MAMLD1: variants seen among roughly 807,000 people sequenced by gnomAD.
The protein encoded by MAMLD1 is mastermind-like domain-containing protein 1.
Under a neutral mutation model 45.0 loss-of-function variants are expected in MAMLD1, and 14 were observed. The observed-to-expected ratio is 0.31, with a 90% confidence interval of 0.21 to 0.49. MAMLD1 has a LOEUF of 0.49. Among genes scored for constraint, MAMLD1 ranks in the 20% least tolerant of loss-of-function variants. The pLI is 0.99. For missense variants in MAMLD1, 543 were observed against 603.6 expected, an observed-to-expected ratio of 0.90 and a Z score of 1.05; for synonymous variants, 254 against 247.8, an observed-to-expected ratio of 1.02 and a Z score of -0.24.
At chrX:150,508,987 T>C (rs1050133531) in intron 6 of MAMLD1, among the ~76,000 whole-genome samples, 3 of 111,396 alleles carry the variant, frequency 2.7e-5, no homozygotes, top group Non-Finnish European at 5.7e-5. Flanking sequence ...TCAGAGCAAG[T>C]CATGCCTTTT....
intron 6 of MAMLD1, chrX:150,504,022 A>G (rs1261933290): frequency 2.7e-6 from 2 of 751,885 alleles, no homozygotes; most frequent in African/African-American, 2.3e-5. Context: ...AACCCCGCCC[A>G]GGACTCCCAC....
rs1248681300 is a variant in MAMLD1 at position 150,469,900 on chromosome X, G to A, written c.327G>A (p.Gln109=). The change falls in exon 4 of 8, where the codon CAG becomes CAA. Residue 109 remains glutamine (Q), a synonymous_variant. Coordinates refer to ENST00000370401, the MANE Select transcript of MAMLD1 (RefSeq NM_005491.5). ...CTAGTACTGCTTGTGCAGAACTGCA[G>A]GTCCCTCCATTGACAATAAATCCTA... is the stretch of plus-strand genomic sequence containing the variant. The part of the protein sequence containing the change: ...AHPSTACAEL[Q]VPPLTINPSP... The A allele has an allele frequency of 6.6e-6, 8 of 1,211,897 alleles. No individual in the cohort carries two copies. The highest frequency in any genetic ancestry group is 8.9e-6 in the Non-Finnish European group (8 of 895,601).
chrX:150,413,784 G>C (rs1244208036), intron 1 of MAMLD1, among the ~76,000 whole-genome samples: 1 of 110,499 alleles, frequency 9.0e-6, no homozygotes, highest in Non-Finnish European at 1.9e-5. Context: ...GGAGAAACCA[G>C]AGTCTTTGGA....
chrX:150,440,335 T>C (rs1246463746), intron 1 of MAMLD1, among the ~76,000 whole-genome samples: 2 of 110,129 alleles, frequency 1.8e-5, no homozygotes, highest in African/African-American at 6.6e-5. Flanking sequence ...TTTTTTTTTT[T>C]CTTGCTTGTA....
intron 1 of MAMLD1, among the ~76,000 whole-genome samples, chrX:150,372,851 G>C (rs1487849616): frequency 8.9e-6 from 1 of 112,013 alleles, no homozygotes; most frequent in Non-Finnish European, 1.9e-5. Flanking sequence ...ATATCAAGGA[G>C]TGTCACTGCA....
chrX:150,504,242 C>T, intron 6 of MAMLD1: 2 of 752,450 alleles, frequency 2.7e-6, no homozygotes, highest in Non-Finnish European at 3.1e-6. Flanking sequence ...CAGAGGGGAC[C>T]TTTGCAGAGA....
rs2036382240 is a variant in MAMLD1 at position 150,470,541 on chromosome X, G to A, written c.968G>A (p.Gly323Glu). The A allele has an allele frequency of 3.3e-6, 4 of 1,211,404 alleles. No homozygotes were observed. The highest frequency in any genetic ancestry group is 4.5e-6 in the Non-Finnish European group (4 of 895,434). Residue 323 changes from glycine (G) to glutamate (E), a missense_variant, in exon 4 of 8, where the codon GGG becomes GAG. Transcript: ENST00000370401. ...CAGGGGTCTGCTACAAAGCAGCAAG[G>A]GCCCACCCCCAGTTGGTCTGGTCTG... ...SKQGSATKQQ[G>E]PTPSWSGLPP...
intron 1 of MAMLD1, among the ~76,000 whole-genome samples, chrX:150,368,316 A>C (rs1218201117): frequency 9.0e-6 from 1 of 111,028 alleles, no homozygotes; most frequent in Admixed American, 9.6e-5. Context: ...GCCAGTGATG[A>C]TGAGCATTTT....
Position 150,391,264 on chromosome X carries a change from C to T in MAMLD1, c.-64+27734C>T, listed in dbSNP as rs782332598. Reference sequence around the variant, plus strand: ...TTTGACTAATTTTTCTTACTCTCTCCGCTCTTCCTCTCTTTCTGGGTTTCC... The same window carrying T: ...TTTGACTAATTTTTCTTACTCTCTCTGCTCTTCCTCTCTTTCTGGGTTTCC... On this transcript the variant is annotated intron_variant, in intron 1 of 7. Transcript: ENST00000370401. Among the ~76,000 whole-genome samples the T allele has an allele frequency of 5.4e-5, 6 of 111,907 alleles. No homozygotes were observed. In the South Asian group the frequency reaches 2.2e-3, roughly 41 times the overall value.
At chrX:150,479,666 A>T (rs1183914865) in intron 5 of MAMLD1, among the ~76,000 whole-genome samples, 2 of 112,160 alleles carry the variant, frequency 1.8e-5, no homozygotes, top group Non-Finnish European at 3.8e-5. Flanking sequence ...ACAGAAATAA[A>T]TCATTGTGTC....
chrX:150,392,903 T>C, intron 1 of MAMLD1, among the ~76,000 whole-genome samples: 1 of 110,800 alleles, frequency 9.0e-6, no homozygotes, highest in Non-Finnish European at 1.9e-5. Context: ...ATTACCTGCA[T>C]CCTGTATCAG....
At chrX:150,387,645 G>A (rs2032995922) in intron 1 of MAMLD1, among the ~76,000 whole-genome samples, 1 of 111,912 alleles carries the variant, frequency 8.9e-6, no homozygotes, top group African/African-American at 3.2e-5. Flanking sequence ...AGGGAGGATT[G>A]TAAAATATTA....
intron 1 of MAMLD1, among the ~76,000 whole-genome samples, chrX:150,365,651 G>T (rs2031376045): frequency 8.8e-6 from 1 of 113,276 alleles, no homozygotes; most frequent in African/African-American, 3.2e-5. Context: ...CTGGCTACAC[G>T]CCTCATTTCT....
intron 5 of MAMLD1, among the ~76,000 whole-genome samples, chrX:150,480,852 A>G (rs782605038): frequency 2.6e-4 from 29 of 112,211 alleles, no homozygotes; most frequent in Admixed American, 1.2e-3. Flanking sequence ...GCTGTACCTC[A>G]CTAGGAATTA....
chrX:150,457,557 A>G (rs1557405389), intron 2 of MAMLD1, among the ~76,000 whole-genome samples: 1 of 112,705 alleles, frequency 8.9e-6, no homozygotes, highest in African/African-American at 3.2e-5. Flanking sequence ...ACAATAGCCA[A>G]AAGACAGAAA....
intron 6 of MAMLD1, among the ~76,000 whole-genome samples, chrX:150,507,250 C>T (rs2037756847): frequency 8.9e-6 from 1 of 112,550 alleles, no homozygotes; most frequent in Non-Finnish European, 1.9e-5. Flanking sequence ...AACTTTCAGG[C>T]ACGGTTTCCT....
intron 5 of MAMLD1, among the ~76,000 whole-genome samples, chrX:150,489,325 C>T (rs1490544204): frequency 2.7e-5 from 3 of 110,631 alleles, no homozygotes; most frequent in Non-Finnish European, 5.7e-5. Context: ...CTGGTGAGAG[C>T]TCTCTTCCTG....
rs146443503 is a variant in MAMLD1 at position 150,471,272 on chromosome X, C to T, written c.1699C>T (p.Pro567Ser). Reference sequence around the variant, plus strand: ...CTCCATGCCTACCACCTCTAGGCAGCCTTCCCTGCTCCACTACCTGCAGCA... The same window carrying T: ...CTCCATGCCTACCACCTCTAGGCAGTCTTCCCTGCTCCACTACCTGCAGCA... ...MPSMPTTSRQ[P>S]SLLHYLQQPT... The change falls in exon 4 of 8, where the codon CCT (proline) becomes TCT (serine). Residue 567 changes from proline to serine, a missense_variant. Pro to Ser is a moderately conservative substitution (Grantham distance 74). Coordinates refer to ENST00000370401, the MANE Select transcript of MAMLD1 (RefSeq NM_005491.5). 7.4e-4 allele frequency: 896 copies of T among 1,209,700 alleles called. 10 individuals carry two copies. The East Asian group carries it at 0.023, about 32-fold the overall frequency.
chrX:150,465,909 T>A (rs1338510926), intron 3 of MAMLD1, among the ~76,000 whole-genome samples: 1 of 112,459 alleles, frequency 8.9e-6, no homozygotes, highest in Non-Finnish European at 1.9e-5. Context: ...CTTCCGCCCC[T>A]ACCAGGATTC....
Sources: allele counts gnomAD v4.1 joint callset (sites outside exome capture counted in the v4.1 genomes callset), GRCh38; gene constraint gnomAD v4.1.1; transcripts MANE v1.5; gene names NCBI Gene and HGNC (gene_info 2026-07-23, HGNC 2026-07-21).